COL22A1: variants seen among roughly 807,000 people sequenced by gnomAD.
The protein encoded by COL22A1 is collagen alpha-1(XXII) chain.
In COL22A1, 221 loss-of-function variants were observed where a neutral mutation model predicts 248.9. The observed-to-expected ratio is 0.89, with a 90% confidence interval of 0.80 to 0.99. The LOEUF (loss-of-function observed/expected upper bound fraction) is 0.99, where lower values mean the gene tolerates loss of function less well. COL22A1 is among the 50% of genes least tolerant of loss of function. The pLI is 0.00. For synonymous variants in COL22A1, 891 were observed against 793.4 expected, an observed-to-expected ratio of 1.12 and a Z score of -2.07; for missense variants, 2,240 against 2,179.0, an observed-to-expected ratio of 1.03 and a Z score of -0.56.
At chr8:138,615,409 T>C (rs903140246) in intron 55 of COL22A1, among the ~76,000 whole-genome samples, 1 of 151,966 alleles carries the variant, frequency 6.6e-6, no homozygotes, top group African/African-American at 2.4e-5. Context: ...CAGGTGCCTC[T>C]AGTCCCAGTT....
At chr8:138,776,237 C>A (rs1038016409) in intron 15 of COL22A1, among the ~76,000 whole-genome samples, 3 of 152,172 alleles carry the variant, frequency 2.0e-5, no homozygotes, top group African/African-American at 7.2e-5. Context: ...GACGTGAGTT[C>A]CTGGGCTTGT....
chr8:138,762,350 C>A, intron 17 of COL22A1, 63 bp downstream of exon 17: 1 of 1,510,984 alleles, frequency 6.6e-7, no homozygotes, highest in South Asian at 1.1e-5. Flanking sequence ...TATGTGGGGT[C>A]TGGTCATTCC....
chr8:138,636,602 A>G, intron 48 of COL22A1, 140 bp downstream of exon 48: 1 of 676,608 alleles, frequency 1.5e-6, no homozygotes, highest in Non-Finnish European at 2.6e-6. Context: ...TACCAAGATG[A>G]AAACCATAAA....
chr8:138,784,132 G>A (rs1045425039), intron 12 of COL22A1, among the ~76,000 whole-genome samples: 10 of 152,202 alleles, frequency 6.6e-5, no homozygotes, highest in African/African-American at 2.2e-4. Context: ...CTTATTTCTA[G>A]GGTTAAAAGA....
At chr8:138,671,503 C>G (rs1235422808) in intron 41 of COL22A1, among the ~76,000 whole-genome samples, 1 of 152,212 alleles carries the variant, frequency 6.6e-6, no homozygotes. Flanking sequence ...CTGCGTGATT[C>G]TAATCATCTC....
chr8:138,763,920 A>G (rs1833714605), intron 16 of COL22A1, among the ~76,000 whole-genome samples: 2 of 152,226 alleles, frequency 1.3e-5, no homozygotes, highest in Admixed American at 1.3e-4. Flanking sequence ...ACACGAGGAC[A>G]GGAGGTGCGT....
At chr8:138,638,828 T>C (rs1821420527) in intron 47 of COL22A1, among the ~76,000 whole-genome samples, 1 of 152,194 alleles carries the variant, frequency 6.6e-6, no homozygotes, top group Admixed American at 6.5e-5. Flanking sequence ...ATGGCTTCCT[T>C]TCAAATTCCA....
Position 138,602,277 on chromosome 8 carries a change from G to T in COL22A1, c.4141-118C>A, listed in dbSNP as rs1459071600. The T allele has an allele frequency of 3.4e-5, 38 of 1,106,268 alleles. No individual in the cohort carries two copies. In the East Asian group the frequency reaches 6.1e-4, roughly 18 times the overall value. The allele number at this position is 1,106,268 out of a possible 1,614,324, so 68.5% of individuals were successfully genotyped here. ...GGACAAGGGACCCTCAAAAGATAAGGTCCCCCGAGGGCTCCTTTCTGATTT... is the reference window on the plus strand; with the variant it reads ...GGACAAGGGACCCTCAAAAGATAAGTTCCCCCGAGGGCTCCTTTCTGATTT... On this transcript the variant is annotated intron_variant, in intron 59 of 64. Coordinates refer to ENST00000303045, the MANE Select transcript of COL22A1 (RefSeq NM_152888.3).
intron 47 of COL22A1, among the ~76,000 whole-genome samples, chr8:138,645,424 A>T (rs549836568): frequency 1.2e-3 from 190 of 152,234 alleles, no homozygotes; most frequent in Non-Finnish European, 2.4e-3. Flanking sequence ...CCTAACTTTC[A>T]AAGTATTCTT....
intron 23 of COL22A1, among the ~76,000 whole-genome samples, chr8:138,736,973 G>A (rs967941851): frequency 2.0e-5 from 3 of 152,092 alleles, no homozygotes; most frequent in African/African-American, 7.2e-5. Context: ...TGGTTTTCTG[G>A]CCTCTGTGGC....
At chr8:138,805,962 ATG>A (rs781691331) in intron 10 of COL22A1, among the ~76,000 whole-genome samples, 2 of 86,710 alleles carry the variant, frequency 2.3e-5, no homozygotes, top group Non-Finnish European at 4.8e-5. Context: ...TATGGTGTGT[ATG>A]TGTGATAGTG....
At chr8:138,746,131 T>C (rs1832085698) in intron 22 of COL22A1, among the ~76,000 whole-genome samples, 3 of 152,220 alleles carry the variant, frequency 2.0e-5, no homozygotes, top group African/African-American at 7.2e-5. Flanking sequence ...AATGAATGCA[T>C]TTACTTTGCC....
chr8:138,871,301 G>A (rs1275193910), intron 3 of COL22A1, among the ~76,000 whole-genome samples: 1 of 152,192 alleles, frequency 6.6e-6, no homozygotes, highest in African/African-American at 2.4e-5. Flanking sequence ...CGAGCTGTGT[G>A]AACTGGGAAA....
chr8:138,816,488 A>C lies in COL22A1; in HGVS notation c.1246-3469T>G, dbSNP rs188219553. 2.5e-3 allele frequency among the ~76,000 whole-genome samples: 383 copies of C among 152,208 alleles called. 2 individuals are homozygous for C. The highest frequency in any genetic ancestry group is 5.4e-3 in the Admixed American group (82 of 15,294). On this transcript the variant is annotated intron_variant, in intron 7 of 64. Coordinates refer to ENST00000303045, the MANE Select transcript of COL22A1 (RefSeq NM_152888.3). ...TCCCTGGATCCCAGCTTCCCTCCGT[A>C]TCCCACCCATCAGCAGCTTAGAGAC...
chr8:138,899,534 T>C (rs1282629306), intron 1 of COL22A1, among the ~76,000 whole-genome samples: 1 of 151,916 alleles, frequency 6.6e-6, no homozygotes, highest in African/African-American at 2.4e-5. Context: ...ATAATTTTCT[T>C]TTTTTTTGAG....
At chr8:138,844,391 G>A (rs1245011260) in intron 3 of COL22A1, among the ~76,000 whole-genome samples, 1 of 152,186 alleles carries the variant, frequency 6.6e-6, no homozygotes, top group East Asian at 1.9e-4. Context: ...GGTGAAATAT[G>A]AACAAGGCTT....
intron 1 of COL22A1, among the ~76,000 whole-genome samples, chr8:138,894,981 C>T (rs1456275418): frequency 1.3e-5 from 2 of 151,446 alleles, no homozygotes; most frequent in African/African-American, 4.9e-5. Context: ...ATTGCTTGAA[C>T]CCAGGAAATT....
intron 39 of COL22A1, among the ~76,000 whole-genome samples, chr8:138,682,189 T>C (rs1826016766): frequency 6.6e-6 from 1 of 152,152 alleles, no homozygotes; most frequent in Non-Finnish European, 1.5e-5. Flanking sequence ...GAATGGTTTC[T>C]GGGGCTTAGA....
At position 138,809,708 on chromosome 8, in the gene COL22A1, C is replaced by T. The variant is rs1471784502; in HGVS notation, c.1450-1896G>A. 3.3e-5 allele frequency among the ~76,000 whole-genome samples: 5 copies of T among 151,966 alleles called. No individual in the cohort carries two copies. The South Asian group carries it at 1.0e-3, about 32-fold the overall frequency. Reference sequence around the variant, plus strand: ...GCTAATTTTTGTATTTTAGTAGAGACAGGGTTTCACCATGTTGGCCAGGCT... The same window carrying T: ...GCTAATTTTTGTATTTTAGTAGAGATAGGGTTTCACCATGTTGGCCAGGCT... On this transcript the variant is annotated intron_variant, in intron 9 of 64. Transcript: ENST00000303045.
Sources: gnomAD v4.1 joint callset for allele counts (sites outside exome capture counted in the v4.1 genomes callset) on GRCh38, gnomAD v4.1.1 for gene constraint, MANE v1.5 for transcripts, NCBI Gene and HGNC (gene_info 2026-07-23, HGNC 2026-07-21) for gene names.